ADAMTS17: variants seen among roughly 807,000 people sequenced by gnomAD.
The protein encoded by ADAMTS17 is ADAM metallopeptidase with thrombospondin type 1 motif 17.
A neutral mutation model predicts 141.5 loss-of-function variants in ADAMTS17; 113 were observed. The observed-to-expected ratio is 0.80, with a 90% CI of 0.69 to 0.93. The LOEUF is 0.93. Among genes scored for constraint, ADAMTS17 ranks in the 40% least tolerant of loss-of-function variants. ADAMTS17 has a pLI of 0.00. For missense variants in ADAMTS17, 1,659 were observed against 1,517.9 expected (o/e 1.09, Z -1.54); for synonymous variants, 768 against 630.6 (o/e 1.22, Z -3.27).
At chr15:100,184,282 A>ACTGTGGAAAGCTCCAGG (rs1567315963) in intron 8 of ADAMTS17, among the ~76,000 whole-genome samples, 1 of 143,154 alleles carries the variant, frequency 7.0e-6, no homozygotes, top group Non-Finnish European at 1.5e-5. Context: ...AAAGCTCCAG[A>ACTGTGGAAAGCTCCAGG]CTGTGGAAAG....
chr15:100,177,702 C>A (rs756751406), intron 8 of ADAMTS17, among the ~76,000 whole-genome samples: 4 of 152,132 alleles, frequency 2.6e-5, no homozygotes, highest in Admixed American at 2.6e-4. Flanking sequence ...AATTTTCTGT[C>A]TAATATTTTT....
intron 3 of ADAMTS17, among the ~76,000 whole-genome samples, chr15:100,312,371 T>C (rs2045433449): frequency 6.6e-6 from 1 of 151,960 alleles, no homozygotes; most frequent in East Asian, 1.9e-4. Context: ...CTCTGGGAGC[T>C]GGAAAAAATG....
intron 17 of ADAMTS17, 130 bp downstream of exon 17, chr15:100,051,442 G>A (rs2032135483): frequency 7.6e-7 from 1 of 1,324,088 alleles, no homozygotes; most frequent in Non-Finnish European, 1.1e-6. Flanking sequence ...GATTTTCGGT[G>A]GGATATGGTT....
chr15:100,105,251 C>A (rs1408090699), intron 14 of ADAMTS17, among the ~76,000 whole-genome samples: 1 of 152,206 alleles, frequency 6.6e-6, no homozygotes, highest in Non-Finnish European at 1.5e-5. Flanking sequence ...GGCAGGGTCT[C>A]TGCAGTGGCA....
At chr15:100,070,868 C>T (rs2033919802) in intron 15 of ADAMTS17, among the ~76,000 whole-genome samples, 1 of 149,596 alleles carries the variant, frequency 6.7e-6, no homozygotes, top group African/African-American at 2.5e-5. Flanking sequence ...CAAAAGCTAG[C>T]AGAAGGCAAG....
At chr15:100,247,073 G>C (rs567438015) in intron 7 of ADAMTS17, among the ~76,000 whole-genome samples, 1 of 151,948 alleles carries the variant, frequency 6.6e-6, no homozygotes, top group South Asian at 2.1e-4. Context: ...TTTTTGTAGG[G>C]ACAGGGTTTT....
intron 7 of ADAMTS17, among the ~76,000 whole-genome samples, chr15:100,219,393 C>T (rs966366170): frequency 2.6e-5 from 4 of 152,282 alleles, no homozygotes; most frequent in Middle Eastern, 3.4e-3. Flanking sequence ...ATCCAGCATG[C>T]AAGGTCAAAA....
intron 20 of ADAMTS17, among the ~76,000 whole-genome samples, chr15:99,988,422 G>A (rs2060631913): frequency 1.3e-5 from 2 of 152,170 alleles, no homozygotes; most frequent in African/African-American, 4.8e-5. Context: ...GGCCTCCCCA[G>A]AAGCAGATGC....
chr15:100,273,238 C>T (rs1230709843), intron 4 of ADAMTS17, among the ~76,000 whole-genome samples: 1 of 152,120 alleles, frequency 6.6e-6, no homozygotes, highest in African/African-American at 2.4e-5. Context: ...GTGTTCTCTC[C>T]TCTTCAGCTT....
At chr15:100,185,809 G>C in intron 8 of ADAMTS17, among the ~76,000 whole-genome samples, 1 of 152,126 alleles carries the variant, frequency 6.6e-6, no homozygotes, top group Non-Finnish European at 1.5e-5. Context: ...CTATGAACGT[G>C]CTTCTGGCTC....
chr15:100,052,727 T>C (rs1018585183), intron 16 of ADAMTS17, among the ~76,000 whole-genome samples: 1 of 152,234 alleles, frequency 6.6e-6, no homozygotes, highest in African/African-American at 2.4e-5. Context: ...GGAACAATCT[T>C]ATCCCAGATA....
At chr15:100,251,638 T>TGGCAGAACCCGGGA (rs1286987575) in intron 7 of ADAMTS17, among the ~76,000 whole-genome samples, 1 of 152,148 alleles carries the variant, frequency 6.6e-6, no homozygotes, top group Admixed American at 6.5e-5. Flanking sequence ...GGCAGGAGAA[T>TGGCAGAACCCGGGA]GGCAGAACCC....
At chr15:100,009,834 GA>G (rs1163826281) in intron 18 of ADAMTS17, among the ~76,000 whole-genome samples, 2 of 152,168 alleles carry the variant, frequency 1.3e-5, no homozygotes, top group African/African-American at 2.4e-5. Context: ...ATGAGGGACA[GA>G]ACACTCACAG....
chr15:100,119,043 T>TACACACAC (rs60655404), intron 12 of ADAMTS17, among the ~76,000 whole-genome samples: 1 of 148,592 alleles, frequency 6.7e-6, no homozygotes, highest in Non-Finnish European at 1.5e-5. Context: ...CATCTGGAGA[T>TACACACAC]ACACACACAC....
intron 7 of ADAMTS17, among the ~76,000 whole-genome samples, chr15:100,222,408 C>T (rs1052946369): frequency 1.3e-5 from 2 of 152,162 alleles, no homozygotes; most frequent in Non-Finnish European, 1.5e-5. Context: ...TTCAAATAAG[C>T]GTGGCTTTGT....
intron 12 of ADAMTS17, chr15:100,129,311 T>TA (rs1359866323): frequency 1.3e-5 from 2 of 152,260 alleles, no homozygotes; most frequent in African/African-American, 4.8e-5. Flanking sequence ...GGGCAACTGG[T>TA]ACCATCCTCG....
chr15:100,289,022 T>C (rs1026704475), intron 3 of ADAMTS17, among the ~76,000 whole-genome samples: 1 of 151,988 alleles, frequency 6.6e-6, no homozygotes, highest in Admixed American at 6.6e-5. Flanking sequence ...CTGAATAAAA[T>C]TGAGACATGA....
At chr15:100,208,426 C>T (rs562374589) in intron 7 of ADAMTS17, among the ~76,000 whole-genome samples, 73 of 152,226 alleles carry the variant, frequency 4.8e-4, no homozygotes, top group Non-Finnish European at 7.8e-4. Flanking sequence ...GTGGCTGGGA[C>T]GGGGCCCACC....
intron 13 of ADAMTS17, among the ~76,000 whole-genome samples, chr15:100,114,516 C>G (rs2036989657): frequency 6.6e-6 from 1 of 152,148 alleles, no homozygotes; most frequent in Non-Finnish European, 1.5e-5. Flanking sequence ...ACTGCAGATG[C>G]AAGAAGTCAG....
Sources: gnomAD v4.1 joint callset for allele counts (sites outside exome capture counted in the v4.1 genomes callset) on GRCh38, gnomAD v4.1.1 for gene constraint, MANE v1.5 for transcripts, NCBI Gene and HGNC (gene_info 2026-07-23, HGNC 2026-07-21) for gene names.